The following JADE1 variants were observed in gnomAD, a reference collection of about 807,000 sequenced individuals.
JADE1 encodes the protein protein Jade-1.
JADE1 carries 14 observed loss-of-function variants against 81.8 expected under a neutral mutation model. That is an observed-to-expected ratio of 0.17 (90% CI 0.11 to 0.27). JADE1 has a LOEUF of 0.27. Among genes scored for constraint, JADE1 ranks in the 10% least tolerant of loss-of-function variants. JADE1 has a pLI of 1.00. For missense variants in JADE1, 690 were observed against 1,047.9 expected, an observed-to-expected ratio of 0.66 and a Z score of 4.71; for synonymous variants, 353 against 391.9, an observed-to-expected ratio of 0.90 and a Z score of 1.17.
intron 3 of JADE1, among the ~76,000 whole-genome samples, chr4:128,845,750 CT>C (rs1413823754): frequency 1.3e-5 from 2 of 152,114 alleles, no homozygotes; most frequent in Non-Finnish European, 2.9e-5. Flanking sequence ...TGATGAAACC[CT>C]GTTTCTACTA....
chr4:128,865,810 C>T (rs1202923782), intron 9 of JADE1, among the ~76,000 whole-genome samples: 1 of 152,146 alleles, frequency 6.6e-6, no homozygotes, highest in Non-Finnish European at 1.5e-5. Context: ...GAATAATATA[C>T]AAAGTTCAAA....
At position 128,861,806 on chromosome 4, in the gene JADE1, A is replaced by C; in HGVS notation, c.1084A>C (p.Lys362Gln). ...ILAENDEVKF[K>Q]SYCPKHSSHR... is the part of the protein sequence containing the mutation. The stretch of plus-strand genomic sequence containing the variant: ...AGCAGAGAATGATGAAGTCAAGTTC[A>C]AGTCCTATTGCCCAAAGCACAGCTC... The change falls in exon 9 of 11, where the codon AAG becomes CAG. Residue 362 changes from lysine to glutamine, a missense_variant. Lys to Gln is a moderately conservative substitution (Grantham distance 53). This residue lies in a region of JADE1 where 77 missense variants were observed against 76.4 expected (regional missense o/e 1.01). Coordinates refer to ENST00000226319, the MANE Select transcript of JADE1 (RefSeq NM_199320.4). The C allele has an allele frequency of 1.2e-6, 2 of 1,614,212 alleles. No individual in the cohort carries two copies. The highest frequency in any genetic ancestry group is 8.5e-7 in the Non-Finnish European group (1 of 1,180,038).
chr4:128,872,392 T>A lies in JADE1; in HGVS notation c.*130T>A. ...AAACACATTTACTTGCAATTCAGAT[T>A]AATTTTTTTCCAGAGTCATTTTTAA... On this transcript the variant is annotated 3_prime_UTR_variant, in exon 11 of 11. Coordinates refer to ENST00000226319, the MANE Select transcript of JADE1 (RefSeq NM_199320.4). 2.5e-6 allele frequency: 2 copies of A among 785,618 alleles called. No individual in the cohort carries two copies. The highest frequency in any genetic ancestry group is 4.0e-6 in the Non-Finnish European group (2 of 505,078). The allele number at this position is 785,618 out of a possible 1,614,324, so 48.7% of individuals were successfully genotyped here. A position where few individuals can be genotyped will look rare whatever the true frequency, so the allele number is the denominator to read the frequency against.
At chr4:128,840,849 G>A (rs929029337) in intron 2 of JADE1, among the ~76,000 whole-genome samples, 2 of 152,234 alleles carry the variant, frequency 1.3e-5, no homozygotes, top group Non-Finnish European at 2.9e-5. Context: ...TTACTGAAAT[G>A]CCATGGGGCC....
chr4:128,813,252 A>C (rs1366128868), intron 1 of JADE1, among the ~76,000 whole-genome samples: 4 of 152,162 alleles, frequency 2.6e-5, no homozygotes, highest in African/African-American at 7.2e-5. Flanking sequence ...CATTGAGTCA[A>C]CACTTTTGAT....
intron 9 of JADE1, chr4:128,864,359 T>G (rs1731622390): frequency 1.4e-6 from 1 of 736,836 alleles, no homozygotes; most frequent in Non-Finnish European, 1.7e-6. Context: ...TTGGTCAGGT[T>G]GGTCTTGAAC....
intron 7 of JADE1, among the ~76,000 whole-genome samples, chr4:128,857,082 G>A (rs546257677): frequency 6.6e-5 from 10 of 152,110 alleles, no homozygotes; most frequent in Non-Finnish European, 1.3e-4. Context: ...CAGACGCTCC[G>A]GTGAGAAGTG....
chr4:128,822,690 G>T (rs1016015463), intron 1 of JADE1, among the ~76,000 whole-genome samples: 1 of 151,904 alleles, frequency 6.6e-6, no homozygotes, highest in Non-Finnish European at 1.5e-5. Flanking sequence ...TTGCACTCCA[G>T]CCTGGGCAAC....
intron 2 of JADE1, among the ~76,000 whole-genome samples, chr4:128,839,121 G>A (rs1387535039): frequency 1.3e-5 from 2 of 152,160 alleles, no homozygotes; most frequent in African/African-American, 2.4e-5. Context: ...AAGAAATATT[G>A]AGAATCTGCT....
At chr4:128,813,598 T>C (rs1037189103) in intron 1 of JADE1, among the ~76,000 whole-genome samples, 3 of 151,906 alleles carry the variant, frequency 2.0e-5, no homozygotes, top group Admixed American at 2.0e-4. Flanking sequence ...TTTTTTTGTA[T>C]TTTTAGTAGA....
At chr4:128,863,432 A>C in intron 9 of JADE1, 1 of 984,598 alleles carries the variant, frequency 1.0e-6, no homozygotes, top group Non-Finnish European at 1.2e-6. Flanking sequence ...CCTGGGAAAC[A>C]CTGGACCAAA....
intron 4 of JADE1, among the ~76,000 whole-genome samples, 160 bp from the exon 5 acceptor site, chr4:128,848,820 C>T (rs761629728): frequency 1.3e-5 from 2 of 152,158 alleles, no homozygotes; most frequent in African/African-American, 2.4e-5. Context: ...TTAACAACTT[C>T]TAGTTAAGGT....
chr4:128,821,854 G>C (rs1379445881), intron 1 of JADE1, among the ~76,000 whole-genome samples: 1 of 151,978 alleles, frequency 6.6e-6, no homozygotes, highest in Non-Finnish European at 1.5e-5. Context: ...TTTCTTGTCT[G>C]GGTTAGTTTT....
At position 128,809,828 on chromosome 4, in the gene JADE1, C is replaced by G. The variant is rs1350500676; in HGVS notation, c.-76C>G. The G allele has an allele frequency of 6.6e-6, 1 of 151,232 alleles. No homozygotes were observed. Among genetic ancestry groups the G allele is most frequent in the Non-Finnish European group, 1.5e-5 (1 of 67,654 alleles). 9.4% of individuals were successfully genotyped at this position (151,232 alleles called of 1,614,324 possible). A position where few individuals can be genotyped will look rare whatever the true frequency, so the allele number is the denominator to read the frequency against. On this transcript the variant is annotated 5_prime_UTR_variant, in exon 1 of 11. Coordinates refer to ENST00000226319, the MANE Select transcript of JADE1 (RefSeq NM_199320.4). ...CGGCCCGAACTCATGCAGCTCCGAG[C>G]GAGCGAGCGGCGCCCAGCCCAGCGC...
chr4:128,867,988 C>T lies in JADE1; in HGVS notation c.1621+15C>T. ...AAGAGTTTCAGGTATGCATTAAGCC[C>T]TGGTAGGTCAAAGTATAGGGCAGGG... On this transcript the variant is annotated intron_variant, in intron 10 of 10. Transcript: ENST00000226319. The T allele has an allele frequency of 2.1e-6, 3 of 1,455,656 alleles. No individual in the cohort carries two copies. Among genetic ancestry groups the T allele is most frequent in the Non-Finnish European group, 9.6e-7 (1 of 1,036,660 alleles). 90.2% of individuals were successfully genotyped at this position (1,455,656 alleles called of 1,614,324 possible).
At chr4:128,830,355 T>C (rs1728447925) in intron 1 of JADE1, among the ~76,000 whole-genome samples, 1 of 151,782 alleles carries the variant, frequency 6.6e-6, no homozygotes, top group Non-Finnish European at 1.5e-5. Context: ...TGCCTCAGCC[T>C]CCTAAGTAGC....
At chr4:128,810,311 T>G (rs924423566) in intron 1 of JADE1, 2 of 151,984 alleles carry the variant, frequency 1.3e-5, no homozygotes, top group Non-Finnish European at 2.9e-5. Flanking sequence ...ATTATGATTT[T>G]TTTTTTCAAA....
In JADE1 at chr4:128,872,451, CTTG is replaced by C; in HGVS notation, c.*193_*195del. The C allele has an allele frequency of 1.7e-6, 1 of 585,018 alleles. No individual in the cohort carries two copies. The highest frequency in any genetic ancestry group is 3.0e-6 in the Non-Finnish European group (1 of 334,398). 36.2% of individuals were successfully genotyped at this position (585,018 alleles called of 1,614,324 possible). On this transcript the variant is annotated 3_prime_UTR_variant, in exon 11 of 11. Transcript: ENST00000226319. ...TGTGAGAAGTTTGTGTTATTTGCAA[CTTG>C]TTGAGGAAACAGAAGAGTAGATTGT...
At chr4:128,822,606 C>G (rs1186919368) in intron 1 of JADE1, among the ~76,000 whole-genome samples, 3 of 151,180 alleles carry the variant, frequency 2.0e-5, no homozygotes, top group African/African-American at 7.3e-5. Context: ...GTAATCCCAG[C>G]TACTAGGGAG....
Sources: gnomAD v4.1 joint callset for allele counts (sites outside exome capture counted in the v4.1 genomes callset) on GRCh38, gnomAD v4.1.1 for gene constraint, gnomAD v4.1.1 regional missense constraint, MANE v1.5 for transcripts, NCBI Gene and HGNC (gene_info 2026-07-23, HGNC 2026-07-21) for gene names.